The following NIBAN2 variants were observed in gnomAD, a reference collection of about 807,000 sequenced individuals.
NIBAN2 encodes the protein protein Niban 2.
NIBAN2 carries 36 observed loss-of-function variants against 81.8 expected under a neutral mutation model. That is an observed-to-expected ratio of 0.44 (90% CI 0.34 to 0.58). The LOEUF (loss-of-function observed/expected upper bound fraction) is 0.58, where lower values mean the gene tolerates loss of function less well. Among genes scored for constraint, NIBAN2 ranks in the 20% least tolerant of loss-of-function variants. The pLI, the probability that NIBAN2 is intolerant of heterozygous loss-of-function variation, is 0.02. For missense variants in NIBAN2, 897 were observed against 1,014.1 expected (o/e 0.88, Z 1.57); for synonymous variants, 445 against 441.6 (o/e 1.01, Z -0.10).
At chr9:127,562,208 C>G (rs994962360) in intron 1 of NIBAN2, among the ~76,000 whole-genome samples, 1 of 152,148 alleles carries the variant, frequency 6.6e-6, no homozygotes, top group Non-Finnish European at 1.5e-5. Context: ...TTCCTCTCCC[C>G]GCCTCCGAAA....
Position 127,523,993 on chromosome 9 carries a change from C to T in NIBAN2, c.422-147G>A, listed in dbSNP as rs867257218. 3.6e-5 allele frequency: 29 copies of T among 812,246 alleles called. 1 individual carries two copies. The highest frequency in any genetic ancestry group is 9.0e-5 in the South Asian group (5 of 55,514). 50.3% of individuals were successfully genotyped at this position (812,246 alleles called of 1,614,324 possible). A position where few individuals can be genotyped will look rare whatever the true frequency, so the allele number is the denominator to read the frequency against. ...TGTCCCAAGGTGACCAGCAAGCCGG[C>T]GGGGGTGGGAGCAGCCTTCTTTCTG... On this transcript the variant is annotated intron_variant, in intron 4 of 13. Coordinates refer to ENST00000373312, the MANE Select transcript of NIBAN2 (RefSeq NM_022833.4).
At position 127,507,312 on chromosome 9, in the gene NIBAN2, C is replaced by A; in HGVS notation, c.1774G>T (p.Glu592Ter). The part of the protein sequence containing the change: ...AEGAPIDWGE[E>*]YSNSGGGGSP... ...CCGCCCCCGCCGCTGTTGCTGTACT[C>A]CTCGCCCCAGTCGATGGGGGCGCCC... is the stretch of plus-strand genomic sequence containing the variant. The change falls in exon 14 of 14, where the codon GAG becomes TAG. Residue 592 changes from glutamate (E) to a stop codon, truncating the protein, a stop_gained. Coordinates refer to ENST00000373312, the MANE Select transcript of NIBAN2 (RefSeq NM_022833.4). LOFTEE classifies it low-confidence loss of function (END_TRUNC). The surrounding 1 kb of genome is among the most constrained non-coding windows in gnomAD (Gnocchi z 6.8). 1 of 1,579,316 alleles carries A rather than the reference C, an allele frequency of 6.3e-7. No individual in the cohort carries two copies. Among genetic ancestry groups the A allele is most frequent in the Non-Finnish European group, 8.6e-7 (1 of 1,158,602 alleles).
chr9:127,522,038 C>T (rs1836953924), intron 5 of NIBAN2, among the ~76,000 whole-genome samples: 1 of 152,244 alleles, frequency 6.6e-6, no homozygotes, highest in African/African-American at 2.4e-5. Flanking sequence ...AGCCGTTAGC[C>T]TTGGAAACCT....
upstream of NIBAN2, chr9:127,569,175 G>A (rs1837914071): frequency 1.5e-6 from 1 of 655,780 alleles, no homozygotes; most frequent in Non-Finnish European, 1.7e-6. Context: ...CCGCTGCCCT[G>A]CGCCCGCCGC....
intron 5 of NIBAN2, among the ~76,000 whole-genome samples, chr9:127,519,680 G>C (rs1009334065): frequency 6.6e-6 from 1 of 152,240 alleles, no homozygotes; most frequent in African/African-American, 2.4e-5. Flanking sequence ...GGATGGGGAC[G>C]GGGGCCTGTG....
chr9:127,569,184 G>T, upstream of NIBAN2: 2 of 610,080 alleles, frequency 3.3e-6, no homozygotes, highest in African/African-American at 3.8e-5. Flanking sequence ...TGCGCCCGCC[G>T]CGTCCCACCC....
intron 3 of NIBAN2, 80 bp from the exon 4 acceptor site, chr9:127,525,243 C>T (rs1050868338): frequency 3.9e-5 from 39 of 994,342 alleles, no homozygotes; most frequent in Non-Finnish European, 5.4e-5. Context: ...AGGCCCTACT[C>T]AGTGTGGCCC....
At chr9:127,560,242 T>C (rs961486675) in intron 1 of NIBAN2, among the ~76,000 whole-genome samples, 1 of 152,130 alleles carries the variant, frequency 6.6e-6, no homozygotes, top group Non-Finnish European at 1.5e-5. Context: ...GGTTTCCCTG[T>C]AGCCAACAGT....
chr9:127,560,397 C>T (rs1455651199), intron 1 of NIBAN2, among the ~76,000 whole-genome samples: 4 of 152,082 alleles, frequency 2.6e-5, no homozygotes, highest in Non-Finnish European at 5.9e-5. Context: ...TCACCTCCTC[C>T]CATCCACACT....
At chr9:127,523,186 AAAAAAAATATATATATATAT>A (rs1836979560) in intron 5 of NIBAN2, among the ~76,000 whole-genome samples, 3 of 32,920 alleles carry the variant, frequency 9.1e-5, no homozygotes, top group African/African-American at 4.1e-4. Flanking sequence ...AAAAAAAAAA[AAAAAAAATATATATATATAT>A]ATATATATAT....
At chr9:127,565,664 T>C (rs1251369939) in intron 1 of NIBAN2, among the ~76,000 whole-genome samples, 1 of 150,568 alleles carries the variant, frequency 6.6e-6, no homozygotes, top group Non-Finnish European at 1.5e-5. Flanking sequence ...CATGGTGGTG[T>C]GTACCTGTAA....
chr9:127,508,664 C>G lies in NIBAN2; in HGVS notation c.1318-126G>C. 3.6e-6 allele frequency: 3 copies of G among 825,464 alleles called. No homozygotes were observed. Among genetic ancestry groups the G allele is most frequent in the Non-Finnish European group, 4.1e-6 (2 of 490,130 alleles). 51.1% of individuals were successfully genotyped at this position (825,464 alleles called of 1,614,324 possible). On this transcript the variant is annotated intron_variant, in intron 10 of 13. Transcript: ENST00000373312. The surrounding 1 kb of genome is among the most constrained non-coding windows in gnomAD (Gnocchi z 6.4). ...AGGCCTGCCAGGGAGGAATGGCAAG[C>G]GGTCTATGCCCACTCACAGCTCTGC...
Position 127,517,262 on chromosome 9 carries a change from A to C in NIBAN2, c.706-46T>G, listed in dbSNP as rs1351899099. The C allele has an allele frequency of 1.3e-6, 2 of 1,544,406 alleles. No individual in the cohort carries two copies. Among genetic ancestry groups the C allele is most frequent in the East Asian group, 4.5e-5 (2 of 44,058 alleles). ...CCAGGCCAGGGGCTGGAGAGCGCTC[A>C]GCTGGCCTGTTTCTCTCTGCATTCC... On this transcript the variant is annotated intron_variant, in intron 6 of 13. Transcript: ENST00000373312. The surrounding 1 kb of genome is among the most constrained non-coding windows in gnomAD (Gnocchi z 4.0).
In NIBAN2 at chr9:127,517,435, C is replaced by T. The variant is rs1431563620; in HGVS notation, c.706-219G>A. On this transcript the variant is annotated intron_variant, in intron 6 of 13. Transcript: ENST00000373312. This position sits in a 1 kb window ranked among gnomAD's most constrained non-coding sequence, Gnocchi z 4.0. ...TAGGATCCTCAGACTCAAGGGCCAG[C>T]CCCAGGGCCTTTGCACAGGCTGCCT... is the stretch of plus-strand genomic sequence containing the variant. 6.6e-6 allele frequency among the ~76,000 whole-genome samples: 1 copy of T among 152,196 alleles called. No homozygotes were observed. The highest frequency in any genetic ancestry group is 1.5e-5 in the Non-Finnish European group (1 of 68,024).
intron 1 of NIBAN2, among the ~76,000 whole-genome samples, chr9:127,534,090 C>T (rs1837231134): frequency 6.6e-6 from 1 of 152,220 alleles, no homozygotes; most frequent in Non-Finnish European, 1.5e-5. Context: ...TAAGAAGCTG[C>T]AGCTCGCGTC....
At position 127,517,177 on chromosome 9, in the gene NIBAN2, G is replaced by A. The variant is rs1241223234; in HGVS notation, c.745C>T (p.Leu249=). ...NLVMEELGPE[L]KAELGPRLKG... ...AGCCGCGGGCCGAGCTCTGCCTTCAGCTCAGGGCCCAGCTCCTCCATCACC... is the reference window on the plus strand; with the variant it reads ...AGCCGCGGGCCGAGCTCTGCCTTCAACTCAGGGCCCAGCTCCTCCATCACC... Residue 249 remains leucine, a synonymous_variant, in exon 7 of 14, where the codon CTG becomes TTG. Transcript: ENST00000373312. The surrounding 1 kb of genome is among the most constrained non-coding windows in gnomAD (Gnocchi z 4.0). 3 of 1,614,042 alleles carry A rather than the reference G, an allele frequency of 1.9e-6. No homozygotes were observed. Among genetic ancestry groups the A allele is most frequent in the Non-Finnish European group, 2.5e-6 (3 of 1,179,982 alleles).
intron 2 of NIBAN2, among the ~76,000 whole-genome samples, chr9:127,531,444 A>G (rs1837178198): frequency 6.6e-6 from 1 of 152,154 alleles, no homozygotes; most frequent in Non-Finnish European, 1.5e-5. Flanking sequence ...AGATTGTGCC[A>G]CTGCACTCCA....
At chr9:127,533,184 C>T (rs746129117) in intron 1 of NIBAN2, among the ~76,000 whole-genome samples, 12 of 151,782 alleles carry the variant, frequency 7.9e-5, no homozygotes, top group Non-Finnish European at 1.5e-4. Flanking sequence ...AGGCTGGGCA[C>T]GGTGGCTTAG....
chr9:127,515,532 A>C (rs1360783872), intron 8 of NIBAN2, among the ~76,000 whole-genome samples: 22 of 69,312 alleles, frequency 3.2e-4, no homozygotes, highest in Admixed American at 2.9e-3. Flanking sequence ...AAAAAAAAAA[A>C]AAAAAAACAA....
Sources: gnomAD v4.1 joint callset for allele counts (sites outside exome capture counted in the v4.1 genomes callset) on GRCh38, gnomAD v4.1.1 for gene constraint, Gnocchi (gnomAD v3.1) non-coding constraint, MANE v1.5 for transcripts, NCBI Gene and HGNC (gene_info 2026-07-23, HGNC 2026-07-21) for gene names.